GRID2: variants seen among roughly 807,000 people sequenced by gnomAD.
The protein encoded by GRID2 is glutamate ionotropic receptor delta type subunit 2.
GRID2 carries 33 observed loss-of-function variants against 114.8 expected under a neutral mutation model. The ratio of observed to expected loss-of-function variants is 0.29; its 90% CI spans 0.22 to 0.38. The LOEUF (loss-of-function observed/expected upper bound fraction) is 0.38, where lower values mean the gene tolerates loss of function less well. Among genes scored for constraint, GRID2 ranks in the 10% least tolerant of loss-of-function variants. The pLI is 1.00. For synonymous variants in GRID2, 505 were observed against 449.9 expected (o/e 1.12, Z -1.55); for missense variants, 1,184 against 1,257.7 (o/e 0.94, Z 0.89).
intron 8 of GRID2, among the ~76,000 whole-genome samples, chr4:93,373,794 A>C (rs116812293): frequency 0.016 from 2,506 of 152,344 alleles, 29 homozygotes; most frequent in Middle Eastern, 0.031. Flanking sequence ...GAAAATGGTC[A>C]CTGAAATCAT....
intron 2 of GRID2, among the ~76,000 whole-genome samples, chr4:92,826,376 T>A (rs1741699569): frequency 6.6e-6 from 1 of 152,126 alleles, no homozygotes; most frequent in Non-Finnish European, 1.5e-5. Context: ...CTAATGACGT[T>A]CCAACCAGCA....
intron 2 of GRID2, among the ~76,000 whole-genome samples, chr4:93,052,841 G>C (rs1726855971): frequency 6.6e-6 from 1 of 151,864 alleles, no homozygotes; most frequent in South Asian, 2.1e-4. Flanking sequence ...ATTAGTCTCA[G>C]TTTCTATTCT....
At chr4:92,697,464 C>T (rs1359615909) in intron 2 of GRID2, among the ~76,000 whole-genome samples, 1 of 152,096 alleles carries the variant, frequency 6.6e-6, no homozygotes, top group Non-Finnish European at 1.5e-5. Context: ...AAAGACTCTG[C>T]ACAGCAAACT....
intron 2 of GRID2, among the ~76,000 whole-genome samples, chr4:92,961,508 TCTTG>T (rs1282770104): frequency 1.3e-5 from 2 of 151,770 alleles, no homozygotes; most frequent in African/African-American, 2.4e-5. Flanking sequence ...TTAATTCTTT[TCTTG>T]CTTTCATAGT....
intron 3 of GRID2, among the ~76,000 whole-genome samples, chr4:93,088,619 G>A (rs534449583): frequency 6.6e-6 from 1 of 152,188 alleles, no homozygotes; most frequent in South Asian, 2.1e-4. Flanking sequence ...AAAAATATGT[G>A]AGAAACAGCC....
intron 1 of GRID2, among the ~76,000 whole-genome samples, chr4:92,577,050 A>G (rs887657200): frequency 6.6e-6 from 1 of 152,058 alleles, no homozygotes; most frequent in Non-Finnish European, 1.5e-5. Context: ...TAAATTCTCC[A>G]TTTTGATTTT....
At chr4:92,454,563 C>T (rs1272708621) in intron 1 of GRID2, among the ~76,000 whole-genome samples, 1 of 152,126 alleles carries the variant, frequency 6.6e-6, no homozygotes, top group Non-Finnish European at 1.5e-5. Context: ...ATCTGCATCC[C>T]TGGTGGCTCA....
At chr4:92,694,468 T>G (rs1422776343) in intron 2 of GRID2, among the ~76,000 whole-genome samples, 1 of 152,232 alleles carries the variant, frequency 6.6e-6, no homozygotes, top group Non-Finnish European at 1.5e-5. Context: ...GAACTGAGAC[T>G]GGACCCTGGT....
intron 4 of GRID2, among the ~76,000 whole-genome samples, chr4:93,169,048 A>G (rs2149419198): frequency 6.6e-6 from 1 of 151,980 alleles, no homozygotes; most frequent in Non-Finnish European, 1.5e-5. Flanking sequence ...CTCAAGTACT[A>G]TTTTTTAAAA....
chr4:93,529,651 C>T (rs1001477849), intron 13 of GRID2, among the ~76,000 whole-genome samples: 2 of 151,946 alleles, frequency 1.3e-5, no homozygotes, highest in South Asian at 4.1e-4. Context: ...ATTTGATCAC[C>T]CTAACTGATA....
intron 8 of GRID2, among the ~76,000 whole-genome samples, chr4:93,259,966 G>A (rs1750073386): frequency 6.6e-6 from 1 of 151,722 alleles, no homozygotes; most frequent in African/African-American, 2.4e-5. Context: ...TTGCCCATGT[G>A]ATATTAAAAT....
At chr4:92,980,875 C>G (rs1754146767) in intron 2 of GRID2, among the ~76,000 whole-genome samples, 1 of 151,974 alleles carries the variant, frequency 6.6e-6, no homozygotes. Flanking sequence ...TATGTAGCTA[C>G]TTACCCAGCT....
chr4:92,393,368 C>G (rs572500595), intron 1 of GRID2, among the ~76,000 whole-genome samples: 1 of 152,248 alleles, frequency 6.6e-6, no homozygotes, highest in East Asian at 1.9e-4. Context: ...GCAGTGTAAT[C>G]TTACATAATA....
chr4:93,535,405 A>G (rs1731954262), intron 13 of GRID2, among the ~76,000 whole-genome samples: 1 of 152,058 alleles, frequency 6.6e-6, no homozygotes. Flanking sequence ...TCTTTTGGAT[A>G]TATATCCAGA....
Position 93,662,172 on chromosome 4 carries a change from T to G in GRID2, c.2360+35737T>G, listed in dbSNP as rs1312106336. Among the ~76,000 whole-genome samples, 8 of 152,294 alleles carry G rather than the reference T, an allele frequency of 5.3e-5. No homozygotes were observed. In the East Asian group the frequency reaches 1.5e-3, roughly 29 times the overall value. On this transcript the variant is annotated intron_variant, in intron 14 of 15. Transcript: ENST00000282020. ...AATATCTAAATGGCTTACTCCTGCATTGCTTTCAGGTGTTTGCTAAAATGT... is the reference window on the plus strand; with the variant it reads ...AATATCTAAATGGCTTACTCCTGCAGTGCTTTCAGGTGTTTGCTAAAATGT...
At chr4:92,885,183 G>C (rs1209757471) in intron 2 of GRID2, 2 of 217,992 alleles carry the variant, frequency 9.2e-6, no homozygotes, top group Non-Finnish European at 1.8e-5. Flanking sequence ...TGTCAGGATA[G>C]AACTAATGGA....
At chr4:93,419,816 A>C (rs1768086868) in intron 9 of GRID2, among the ~76,000 whole-genome samples, 1 of 152,150 alleles carries the variant, frequency 6.6e-6, no homozygotes, top group Non-Finnish European at 1.5e-5. Flanking sequence ...AAGAAATTTA[A>C]CATAAGAAAA....
downstream of GRID2, among the ~76,000 whole-genome samples, chr4:93,777,682 C>A (rs568804475): frequency 2.9e-4 from 44 of 152,282 alleles, no homozygotes; most frequent in African/African-American, 1.1e-3. Context: ...CACATTAATT[C>A]TCATTAATTA....
intron 2 of GRID2, among the ~76,000 whole-genome samples, chr4:92,710,130 GA>G (rs1437388041): frequency 1.3e-5 from 2 of 151,316 alleles, no homozygotes; most frequent in Admixed American, 1.3e-4. Flanking sequence ...CCTTTGATAG[GA>G]AAAAAAACTG....
Sources: gnomAD v4.1 joint callset for allele counts (sites outside exome capture counted in the v4.1 genomes callset) on GRCh38, gnomAD v4.1.1 for gene constraint, MANE v1.5 for transcripts, NCBI Gene and HGNC (gene_info 2026-07-23, HGNC 2026-07-21) for gene names.